The following GUCY1A2 variants were observed in gnomAD, a reference collection of about 807,000 sequenced individuals.
GUCY1A2 encodes guanylate cyclase soluble subunit alpha-2.
A neutral mutation model predicts 63.5 loss-of-function variants in GUCY1A2; 27 were observed. That is an observed-to-expected ratio of 0.43 (90% confidence interval 0.31 to 0.59). The LOEUF is 0.59. Ranked by LOEUF, GUCY1A2 falls within the 20% of genes least tolerant of loss-of-function variation. The pLI is 0.11. For missense variants in GUCY1A2, 768 were observed against 913.3 expected (o/e 0.84, Z 2.05); for synonymous variants, 364 against 343.5 (o/e 1.06, Z -0.66).
chr11:106,827,997 G>A lies in GUCY1A2; in HGVS notation c.1207-17519C>T, dbSNP rs552183122. ...GCGGTCACTTCCGGTGCCTTATCCAGAGAATCCGACCTACGGGTGCTCGGG... is the reference window on the plus strand; with the variant it reads ...GCGGTCACTTCCGGTGCCTTATCCAAAGAATCCGACCTACGGGTGCTCGGG... On this transcript the variant is annotated intron_variant, in intron 4 of 7. Transcript: ENST00000526355. 6 of 720,852 alleles carry A rather than the reference G, an allele frequency of 8.3e-6. No homozygotes were observed. In the East Asian group the frequency reaches 1.3e-4, roughly 16 times the overall value. 44.7% of individuals were successfully genotyped at this position (720,852 alleles called of 1,614,324 possible).
At chr11:107,005,303 TCTCA>T (rs1194200920) in intron 1 of GUCY1A2, among the ~76,000 whole-genome samples, 1 of 152,188 alleles carries the variant, frequency 6.6e-6, no homozygotes. Flanking sequence ...GGAGACAACT[TCTCA>T]CTGTCACCCA....
At chr11:106,782,953 A>G (rs1235725229) in intron 5 of GUCY1A2, among the ~76,000 whole-genome samples, 2 of 151,954 alleles carry the variant, frequency 1.3e-5, no homozygotes, top group Middle Eastern at 3.2e-3. Context: ...GCTGAAGTGA[A>G]CTCTTAACCA....
chr11:106,914,635 G>C (rs868231769), intron 4 of GUCY1A2, among the ~76,000 whole-genome samples: 2 of 150,986 alleles, frequency 1.3e-5, no homozygotes, highest in South Asian at 4.2e-4. Context: ...TAATTACAAG[G>C]AAAATTAAAT....
At chr11:106,988,075 C>T (rs924425665) in intron 1 of GUCY1A2, among the ~76,000 whole-genome samples, 40 of 152,168 alleles carry the variant, frequency 2.6e-4, no homozygotes, top group Non-Finnish European at 4.4e-5. Flanking sequence ...TCCAAACAGA[C>T]TCAAAGCAGA....
At chr11:106,906,815 C>T (rs113431339) in intron 4 of GUCY1A2, among the ~76,000 whole-genome samples, 185 of 152,058 alleles carry the variant, frequency 1.2e-3, no homozygotes, top group African/African-American at 4.2e-3. Context: ...AACCAGCATT[C>T]TCAGCAAACT....
chr11:106,933,331 A>G (rs1182840380), intron 4 of GUCY1A2, among the ~76,000 whole-genome samples: 1 of 152,212 alleles, frequency 6.6e-6, no homozygotes, highest in Non-Finnish European at 1.5e-5. Flanking sequence ...AACAGCCACC[A>G]AACATATAAA....
chr11:106,952,145 G>A (rs551888724), intron 3 of GUCY1A2, among the ~76,000 whole-genome samples: 26 of 152,260 alleles, frequency 1.7e-4, no homozygotes, highest in Middle Eastern at 3.4e-3. Context: ...CTGTAGCCTC[G>A]TAGTATACTT....
chr11:106,846,549 C>A lies in GUCY1A2; in HGVS notation c.1207-36071G>T, dbSNP rs531317712. 5.9e-5 allele frequency among the ~76,000 whole-genome samples: 9 copies of A among 151,736 alleles called. No homozygotes were observed. In the South Asian group the frequency reaches 1.9e-3, roughly 31 times the overall value. On this transcript the variant is annotated intron_variant, in intron 4 of 7. Transcript: ENST00000526355. Reference sequence around the variant, plus strand: ...AAAACGATTAAGAAGGAGCAGTGTTCTATTTGTACTATTGTAGGGAGTCTA... The same window carrying A: ...AAAACGATTAAGAAGGAGCAGTGTTATATTTGTACTATTGTAGGGAGTCTA...
Position 106,685,330 on chromosome 11 carries a change from T to A in GUCY1A2, c.*2219A>T, listed in dbSNP as rs1254775833. The A allele has an allele frequency of 1.9e-5, 4 of 209,732 alleles. No homozygotes were observed. In the Admixed American group the frequency reaches 2.4e-4, roughly 12 times the overall value. The allele number at this position is 209,732 out of a possible 1,614,324, so 13.0% of individuals were successfully genotyped here. On this transcript the variant is annotated 3_prime_UTR_variant, in exon 8 of 8. Coordinates refer to ENST00000526355, the MANE Select transcript of GUCY1A2 (RefSeq NM_000855.3). The stretch of plus-strand genomic sequence containing the variant: ...CTTCTCTCCAGGCCTATCACTAGTA[T>A]TGAGGTGGATTTCCAATGATGCTTT...
chr11:106,781,113 A>AAG (rs1555031162), intron 5 of GUCY1A2, among the ~76,000 whole-genome samples: 1 of 44,968 alleles, frequency 2.2e-5, no homozygotes, highest in Non-Finnish European at 4.3e-5. Flanking sequence ...AACAGACTAC[A>AAG]AAAAAAAAAA....
At chr11:106,841,230 A>G (rs574509308) in intron 4 of GUCY1A2, among the ~76,000 whole-genome samples, 128 of 151,740 alleles carry the variant, frequency 8.4e-4, no homozygotes, top group African/African-American at 3.0e-3. Context: ...TCACCTTACT[A>G]TCCTCTATGA....
At chr11:106,957,437 G>A (rs1172558093) in intron 3 of GUCY1A2, among the ~76,000 whole-genome samples, 1 of 152,152 alleles carries the variant, frequency 6.6e-6, no homozygotes, top group African/African-American at 2.4e-5. Context: ...GTGGGTTCAC[G>A]AGTGGGATCT....
intron 4 of GUCY1A2, among the ~76,000 whole-genome samples, chr11:106,862,229 T>A (rs1859522692): frequency 6.6e-6 from 1 of 152,038 alleles, no homozygotes; most frequent in South Asian, 2.1e-4. Flanking sequence ...ATAAAGTATC[T>A]ATTACTCACT....
At chr11:106,970,726 CCTAA>C (rs1258005785) in intron 3 of GUCY1A2, among the ~76,000 whole-genome samples, 15 of 152,128 alleles carry the variant, frequency 9.9e-5, no homozygotes, top group African/African-American at 3.6e-4. Flanking sequence ...TAAGTATTTA[CCTAA>C]CTGATTTGAA....
chr11:106,781,949 C>G (rs1449716082), intron 5 of GUCY1A2, among the ~76,000 whole-genome samples: 1 of 152,156 alleles, frequency 6.6e-6, no homozygotes, highest in Non-Finnish European at 1.5e-5. Context: ...ATTCCCATAA[C>G]ATTTTTCTCC....
intron 7 of GUCY1A2, among the ~76,000 whole-genome samples, chr11:106,705,381 C>A (rs965802525): frequency 1.3e-5 from 2 of 152,114 alleles, no homozygotes; most frequent in Non-Finnish European, 2.9e-5. Context: ...CAAACCCATT[C>A]TTTCTTTGGA....
At chr11:106,875,386 G>A (rs1297609037) in intron 4 of GUCY1A2, among the ~76,000 whole-genome samples, 11 of 152,180 alleles carry the variant, frequency 7.2e-5, no homozygotes, top group Non-Finnish European at 1.3e-4. Context: ...ACTGATAGAT[G>A]AACAACTAAA....
At chr11:106,729,325 T>TA (rs1316306635) in intron 6 of GUCY1A2, among the ~76,000 whole-genome samples, 1 of 152,170 alleles carries the variant, frequency 6.6e-6, no homozygotes, top group Non-Finnish European at 1.5e-5. Flanking sequence ...GAGGATCTTT[T>TA]AAGTCTTTTC....
rs570142651 is a variant in GUCY1A2 at position 106,809,376 on chromosome 11, A to G, written c.1692+617T>C. Among the ~76,000 whole-genome samples the G allele has an allele frequency of 6.6e-5, 10 of 152,296 alleles. No individual in the cohort carries two copies. The South Asian group carries it at 2.1e-3, about 32-fold the overall frequency. On this transcript the variant is annotated intron_variant, in intron 5 of 7. Coordinates refer to ENST00000526355, the MANE Select transcript of GUCY1A2 (RefSeq NM_000855.3). Reference sequence around the variant, plus strand: ...ATTGCTATGATCTTAGTAAGAAATTAATAAGGAGTTCACCAAATCAAACCA... The same window carrying G: ...ATTGCTATGATCTTAGTAAGAAATTGATAAGGAGTTCACCAAATCAAACCA...
Sources: allele counts gnomAD v4.1 joint callset (sites outside exome capture counted in the v4.1 genomes callset), GRCh38; gene constraint gnomAD v4.1.1; transcripts MANE v1.5; gene names NCBI Gene and HGNC (gene_info 2026-07-23, HGNC 2026-07-21).